CCSER1: variants seen among roughly 807,000 people sequenced by gnomAD.
The protein encoded by CCSER1 is coiled-coil serine rich protein 1.
CCSER1 carries 41 observed loss-of-function variants against 82.0 expected under a neutral mutation model. That is an observed-to-expected ratio of 0.50 (90% confidence interval 0.39 to 0.65). CCSER1 has a LOEUF of 0.65. CCSER1 is among the 30% of genes least tolerant of loss of function. CCSER1 has a pLI of 0.00. For missense variants in CCSER1, 1,119 were observed against 1,064.2 expected, an observed-to-expected ratio of 1.05 and a Z score of -0.72; for synonymous variants, 414 against 383.9, an observed-to-expected ratio of 1.08 and a Z score of -0.92.
At chr4:91,201,363 A>G (rs1441459580) in intron 10 of CCSER1, among the ~76,000 whole-genome samples, 3 of 152,078 alleles carry the variant, frequency 2.0e-5, no homozygotes, top group African/African-American at 7.2e-5. Context: ...AAAGAAGCCT[A>G]TAAGCTCAAC....
At chr4:90,276,094 T>G (rs1271269815) in intron 1 of CCSER1, among the ~76,000 whole-genome samples, 1 of 152,206 alleles carries the variant, frequency 6.6e-6, no homozygotes, top group East Asian at 1.9e-4. Flanking sequence ...ACCTGACATA[T>G]CTTGATATTT....
chr4:90,910,404 C>G (rs550175375), intron 8 of CCSER1, among the ~76,000 whole-genome samples: 2 of 152,290 alleles, frequency 1.3e-5, no homozygotes, highest in South Asian at 2.1e-4. Flanking sequence ...ATTTCAATCT[C>G]TAAATATACT....
intron 8 of CCSER1, among the ~76,000 whole-genome samples, chr4:90,835,482 G>A (rs979277099): frequency 2.6e-5 from 4 of 152,052 alleles, no homozygotes; most frequent in Admixed American, 1.3e-4. Context: ...TACTGTGTAC[G>A]GTATTTATTA....
intron 4 of CCSER1, among the ~76,000 whole-genome samples, chr4:90,411,361 T>C (rs1194636081): frequency 6.6e-6 from 1 of 152,166 alleles, no homozygotes; most frequent in Non-Finnish European, 1.5e-5. Context: ...TGAACACTGA[T>C]GCAAAAATCC....
At chr4:91,438,753 T>C (rs1368882639) in intron 10 of CCSER1, among the ~76,000 whole-genome samples, 1 of 152,098 alleles carries the variant, frequency 6.6e-6, no homozygotes, top group Non-Finnish European at 1.5e-5. Flanking sequence ...GACAAATGTA[T>C]AACTAGAATA....
At chr4:91,196,197 A>C (rs1735420763) in intron 10 of CCSER1, among the ~76,000 whole-genome samples, 1 of 150,730 alleles carries the variant, frequency 6.6e-6, no homozygotes, top group Non-Finnish European at 1.5e-5. Flanking sequence ...AAAAAAAAAA[A>C]GACAAAGCCC....
At chr4:91,166,361 T>TA (rs1021119496) in intron 10 of CCSER1, among the ~76,000 whole-genome samples, 5 of 151,950 alleles carry the variant, frequency 3.3e-5, no homozygotes, top group Admixed American at 1.3e-4. Flanking sequence ...TACTGGTGAT[T>TA]AAAAAAAAGT....
At chr4:90,180,361 C>T (rs370343673) in intron 1 of CCSER1, among the ~76,000 whole-genome samples, 4 of 151,934 alleles carry the variant, frequency 2.6e-5, no homozygotes, top group East Asian at 3.9e-4. Flanking sequence ...TGCCAAGGTG[C>T]GTGGAGTGCT....
At chr4:91,245,176 G>A (rs1739666632) in intron 10 of CCSER1, among the ~76,000 whole-genome samples, 1 of 152,122 alleles carries the variant, frequency 6.6e-6, no homozygotes, top group African/African-American at 2.4e-5. Flanking sequence ...AAATGTAAGA[G>A]TAATTGGTTT....
At chr4:91,062,249 G>T (rs1025832054) in intron 9 of CCSER1, among the ~76,000 whole-genome samples, 2 of 152,096 alleles carry the variant, frequency 1.3e-5, no homozygotes, top group East Asian at 3.9e-4. Context: ...GGATCAGTTT[G>T]ATTCCCTCAC....
At chr4:91,316,773 C>T (rs1185153242) in intron 10 of CCSER1, among the ~76,000 whole-genome samples, 3 of 152,058 alleles carry the variant, frequency 2.0e-5, no homozygotes, top group Admixed American at 6.6e-5. Context: ...TCATGGAAAA[C>T]CTCTGCTCAA....
intron 9 of CCSER1, among the ~76,000 whole-genome samples, chr4:91,033,043 AATAC>A (rs1385341576): frequency 1.4e-5 from 2 of 141,544 alleles, no homozygotes; most frequent in East Asian, 4.0e-4. Flanking sequence ...CATAGGAGAA[AATAC>A]ATACAAATAA....
intron 10 of CCSER1, among the ~76,000 whole-genome samples, chr4:91,463,989 A>G (rs1190244013): frequency 6.6e-6 from 1 of 152,184 alleles, no homozygotes; most frequent in Non-Finnish European, 1.5e-5. Context: ...ATTCAAATTC[A>G]GGAAATACAG....
chr4:91,149,599 T>A (rs1444192025), intron 10 of CCSER1, among the ~76,000 whole-genome samples: 1 of 152,214 alleles, frequency 6.6e-6, no homozygotes, highest in Admixed American at 6.5e-5. Flanking sequence ...TGCTAGAGTT[T>A]TTATCGTTTT....
chr4:91,492,294 T>G (rs1758590941), intron 10 of CCSER1, among the ~76,000 whole-genome samples: 1 of 152,070 alleles, frequency 6.6e-6, no homozygotes. Flanking sequence ...AATCTCCAAT[T>G]TACTACTGCC....
At chr4:90,181,119 T>C (rs970524005) in intron 1 of CCSER1, among the ~76,000 whole-genome samples, 5 of 152,110 alleles carry the variant, frequency 3.3e-5, no homozygotes, top group African/African-American at 1.2e-4. Context: ...ACTGTGCCCA[T>C]TACTTGGGTT....
intron 10 of CCSER1, among the ~76,000 whole-genome samples, chr4:91,409,021 T>G (rs919230017): frequency 9.9e-5 from 15 of 152,140 alleles, no homozygotes; most frequent in African/African-American, 3.6e-4. Flanking sequence ...CAATTTCCAT[T>G]CATGTATCAT....
intron 5 of CCSER1, among the ~76,000 whole-genome samples, chr4:90,622,196 A>G (rs193033924): frequency 3.9e-5 from 6 of 152,282 alleles, no homozygotes; most frequent in Admixed American, 3.9e-4. Flanking sequence ...GTCTTACCAT[A>G]TAAAAGAGGT....
chr4:90,443,897 G>A (rs1560526213), intron 4 of CCSER1, among the ~76,000 whole-genome samples: 2 of 151,860 alleles, frequency 1.3e-5, no homozygotes, highest in Non-Finnish European at 2.9e-5. Context: ...TATAAACATA[G>A]AATACAGTAA....
Sources: gnomAD v4.1 joint callset for allele counts (sites outside exome capture counted in the v4.1 genomes callset) on GRCh38, gnomAD v4.1.1 for gene constraint, MANE v1.5 for transcripts, NCBI Gene and HGNC (gene_info 2026-07-23, HGNC 2026-07-21) for gene names.